The following MEP1B variants were observed in gnomAD, a reference collection of about 807,000 sequenced individuals.
The protein encoded by MEP1B is N-benzoyl-L-tyrosyl-P-amino-benzoic acid hydrolase subunit beta.
A neutral mutation model predicts 84.6 loss-of-function variants in MEP1B; 80 were observed. The ratio of observed to expected loss-of-function variants is 0.95; its 90% CI spans 0.79 to 1.14. The LOEUF (loss-of-function observed/expected upper bound fraction) is 1.14, where lower values mean the gene tolerates loss of function less well. Ranked by LOEUF, MEP1B falls within the 50% of genes most tolerant of loss-of-function variation. The pLI, the probability that MEP1B is intolerant of heterozygous loss-of-function variation, is 0.00. For synonymous variants in MEP1B, 273 were observed against 288.1 expected (o/e 0.95, Z 0.53); for missense variants, 766 against 855.1 (o/e 0.90, Z 1.30).
chr18:32,205,404 T>C (rs2040954795), intron 7 of MEP1B, among the ~76,000 whole-genome samples: 1 of 152,224 alleles, frequency 6.6e-6, no homozygotes, highest in Non-Finnish European at 1.5e-5. Context: ...ATTGCTATTA[T>C]GTCTGAGGCA....
In MEP1B at chr18:32,207,291, C is replaced by G. The variant is rs2040975463; in HGVS notation, c.587C>G (p.Ser196Ter). The change falls in exon 8 of 15, where the codon TCA (serine) becomes TGA (stop). Residue 196 changes from serine (S) to a stop codon, truncating the protein, a stop_gained. Coordinates refer to ENST00000269202, the MANE Select transcript of MEP1B (RefSeq NM_005925.3). LOFTEE classifies it high-confidence loss of function. ...TTTAACACCTATAGTGACGATATAT[C>G]AGATTCCCTGAATGTTCCCTATGAT... ...HNFNTYSDDI[S>*]DSLNVPYDYT... 1.2e-6 allele frequency: 2 copies of G among 1,612,896 alleles called. No homozygotes were observed. Among genetic ancestry groups the G allele is most frequent in the East Asian group, 2.2e-5 (1 of 44,868 alleles).
chr18:32,213,010 A>G, intron 10 of MEP1B, 106 bp from the exon 11 acceptor site: 1 of 1,018,066 alleles, frequency 9.8e-7, no homozygotes. Flanking sequence ...CTGTAGAAAT[A>G]AATCGGTTTT....
rs191872686 is a variant in MEP1B, at chr18:32,212,443, T to C, written c.1136-673T>C. 3.0e-3 allele frequency among the ~76,000 whole-genome samples: 452 copies of C among 152,288 alleles called. 3 individuals are homozygous for C. Among genetic ancestry groups the C allele is most frequent in the Non-Finnish European group, 5.4e-3 (364 of 68,026 alleles). ...TAGTATACTGCTTCTTATTTGAGTA[T>C]GTGATATAAGAAAATCAGACAGAAT... On this transcript the variant is annotated intron_variant, in intron 10 of 14. Coordinates refer to ENST00000269202, the MANE Select transcript of MEP1B (RefSeq NM_005925.3).
rs1471644599 is a variant in MEP1B at position 32,215,217 on chromosome 18, A to C, written c.1715A>C (p.Asp572Ala). 6.2e-7 allele frequency: 1 copy of C among 1,610,472 alleles called. No homozygotes were observed. Among genetic ancestry groups the C allele is most frequent in the Admixed American group, 1.7e-5 (1 of 59,050 alleles). Residue 572 changes from aspartate (D) to alanine (A), a missense_variant, in exon 12 of 15, where the codon GAT becomes GCT. Coordinates refer to ENST00000269202, the MANE Select transcript of MEP1B (RefSeq NM_005925.3). The part of the protein sequence containing the change: ...FITHERLKSR[D>A]FIKGDDVYIL... Reference sequence around the variant, plus strand: ...ACCCACGAAAGGCTGAAAAGCAGAGATTTTATAAAAGGAGATGATGTTTAT... The same window carrying C: ...ACCCACGAAAGGCTGAAAAGCAGAGCTTTTATAAAAGGAGATGATGTTTAT...
chr18:32,201,225 T>C (rs1472799070), intron 5 of MEP1B, among the ~76,000 whole-genome samples: 3 of 151,990 alleles, frequency 2.0e-5, no homozygotes, highest in Non-Finnish European at 4.4e-5. Flanking sequence ...GAAGGAAATA[T>C]TACATTTGAA....
Position 32,208,278 on chromosome 18 carries a change from GGAGT to G in MEP1B, c.919+11_919+14del. On this transcript the variant is annotated splice_region_variant and intron_variant, in intron 9 of 14. Coordinates refer to ENST00000269202, the MANE Select transcript of MEP1B (RefSeq NM_005925.3). ...AACATGGGCCAGTGCCAAGGTAACA[GGAGT>G]GAGATATTCCTAGACTGTATACTCA... 1 of 1,612,740 alleles carries G rather than the reference GGAGT, an allele frequency of 6.2e-7. No individual in the cohort carries two copies. The highest frequency in any genetic ancestry group is 8.5e-7 in the Non-Finnish European group (1 of 1,179,074).
chr18:32,196,273 G>A lies in MEP1B; in HGVS notation c.250+788G>A, dbSNP rs2040853273. On this transcript the variant is annotated intron_variant, in intron 5 of 14. Coordinates refer to ENST00000269202, the MANE Select transcript of MEP1B (RefSeq NM_005925.3). The surrounding 1 kb of genome is among the most constrained non-coding windows in gnomAD (Gnocchi z 4.4). ...CTGCTCCAAGACGCTGGCCATGCTGGGGGCTGTGAAGTTGAGGGGCGGGAT... is the reference window on the plus strand; with the variant it reads ...CTGCTCCAAGACGCTGGCCATGCTGAGGGCTGTGAAGTTGAGGGGCGGGAT... 1 of 707,764 alleles carries A rather than the reference G, an allele frequency of 1.4e-6. No homozygotes were observed. Among genetic ancestry groups the A allele is most frequent in the African/African-American group, 1.7e-5 (1 of 57,260 alleles). The allele number at this position is 707,764 out of a possible 1,614,324, so 43.8% of individuals were successfully genotyped here.
chr18:32,210,562 G>A lies in MEP1B; in HGVS notation c.981G>A (p.Leu327=). The A allele has an allele frequency of 6.2e-7, 1 of 1,614,016 alleles. No homozygotes were observed. The highest frequency in any genetic ancestry group is 8.5e-7 in the Non-Finnish European group (1 of 1,179,894). ...SSVNVGATAV[L]ESRTLYPKRG... ...TAAATGTGGGGGCCACAGCAGTGCT[G>A]GAAAGTAGAACGCTGTACCCTAAAA... Residue 327 remains leucine (L), a synonymous_variant, in exon 10 of 15, where the codon CTG becomes CTA. Transcript: ENST00000269202.
In MEP1B at chr18:32,196,270, C is replaced by A; in HGVS notation, c.250+785C>A. 1.4e-6 allele frequency: 1 copy of A among 707,294 alleles called. No individual in the cohort carries two copies. The highest frequency in any genetic ancestry group is 2.0e-5 in the Admixed American group (1 of 50,238). The allele number at this position is 707,294 out of a possible 1,614,324, so 43.8% of individuals were successfully genotyped here. On this transcript the variant is annotated intron_variant, in intron 5 of 14. Coordinates refer to ENST00000269202, the MANE Select transcript of MEP1B (RefSeq NM_005925.3). This position sits in a 1 kb window ranked among gnomAD's most constrained non-coding sequence, Gnocchi z 4.4. ...GAACTGCTCCAAGACGCTGGCCATG[C>A]TGGGGGCTGTGAAGTTGAGGGGCGG...
intron 9 of MEP1B, among the ~76,000 whole-genome samples, chr18:32,209,101 C>T (rs968669501): frequency 6.6e-6 from 1 of 152,196 alleles, no homozygotes; most frequent in Non-Finnish European, 1.5e-5. Flanking sequence ...AATGTTGTCT[C>T]TTTCATAAAT....
At chr18:32,197,734 A>T (rs1160421246) in intron 5 of MEP1B, among the ~76,000 whole-genome samples, 2 of 152,114 alleles carry the variant, frequency 1.3e-5, no homozygotes, top group Admixed American at 6.6e-5. Context: ...ATAGTTTTTT[A>T]AAATTTCAAC....
At chr18:32,220,206 C>A (rs1480590953) in intron 14 of MEP1B, 25 bp from the exon 15 acceptor site, 1 of 1,592,306 alleles carries the variant, frequency 6.3e-7, no homozygotes, top group South Asian at 1.1e-5. Flanking sequence ...GAAATTAAAT[C>A]ATCAATTGTT....
chr18:32,220,228 T>C lies in MEP1B; in HGVS notation c.2092-3T>C, dbSNP rs1469524489. The C allele has an allele frequency of 3.1e-6, 5 of 1,607,238 alleles. No homozygotes were observed. The highest frequency in any genetic ancestry group is 4.3e-6 in the Non-Finnish European group (5 of 1,176,094). The stretch of plus-strand genomic sequence containing the variant: ...AATCATCAATTGTTCTTTCCCCTTT[T>C]AGCAGCATGCTTTTTGAAGATTAAC... On this transcript the variant is annotated splice_polypyrimidine_tract_variant and splice_region_variant and intron_variant, in intron 14 of 14. Coordinates refer to ENST00000269202, the MANE Select transcript of MEP1B (RefSeq NM_005925.3).
rs1598895265 is a variant in MEP1B at position 32,210,767 on chromosome 18, GTCTTT to G, written c.1135+57_1135+61del. 11 of 1,507,262 alleles carry G rather than the reference GTCTTT, an allele frequency of 7.3e-6. No homozygotes were observed. In the East Asian group the frequency reaches 2.5e-4, roughly 34 times the overall value. 93.4% of individuals were successfully genotyped at this position (1,507,262 alleles called of 1,614,324 possible). Reference sequence around the variant, plus strand: ...TGGATTTAAAATGAGGCAATCTTAGGTCTTTTCTTTAGTTAATGCAACAATTTACA... The same window carrying G: ...TGGATTTAAAATGAGGCAATCTTAGGTCTTTAGTTAATGCAACAATTTACA... On this transcript the variant is annotated intron_variant, in intron 10 of 14. Transcript: ENST00000269202.
intron 11 of MEP1B, among the ~76,000 whole-genome samples, chr18:32,214,635 A>G (rs1229142806): frequency 6.6e-6 from 1 of 152,208 alleles, no homozygotes; most frequent in East Asian, 1.9e-4. Context: ...TGAATAATTC[A>G]GTTAATAAGA....
chr18:32,198,978 G>A (rs2040882174), intron 5 of MEP1B, among the ~76,000 whole-genome samples: 1 of 152,170 alleles, frequency 6.6e-6, no homozygotes, highest in African/African-American at 2.4e-5. Context: ...AGAAGAAGGT[G>A]GGTGTAGAGA....
rs2040862637 is a variant in MEP1B at position 32,196,956 on chromosome 18, A to T, written c.250+1471A>T. The T allele has an allele frequency of 3.5e-6, 1 of 281,698 alleles. No homozygotes were observed. Among genetic ancestry groups the T allele is most frequent in the Non-Finnish European group, 6.8e-6 (1 of 146,518 alleles). 17.4% of individuals were successfully genotyped at this position (281,698 alleles called of 1,614,324 possible). On this transcript the variant is annotated intron_variant, in intron 5 of 14. Transcript: ENST00000269202. This position sits in a 1 kb window ranked among gnomAD's most constrained non-coding sequence, Gnocchi z 4.4. ...GTTAAACAGGTGCAGGGCCTGATTG[A>T]TGGGCTCACAGGGAGCCAGTCTTTA...
chr18:32,198,062 A>C (rs1019474886), intron 5 of MEP1B, among the ~76,000 whole-genome samples: 7 of 152,248 alleles, frequency 4.6e-5, no homozygotes, highest in Admixed American at 4.6e-4. Context: ...GAATTATGAT[A>C]GAATGGAATA....
At chr18:32,211,969 T>C (rs2144420088) in intron 10 of MEP1B, among the ~76,000 whole-genome samples, 1 of 151,200 alleles carries the variant, frequency 6.6e-6, no homozygotes, top group South Asian at 2.1e-4. Context: ...TTAATCTCAC[T>C]AAGCATATAC....
Sources: gnomAD v4.1 joint callset for allele counts (sites outside exome capture counted in the v4.1 genomes callset) on GRCh38, gnomAD v4.1.1 for gene constraint, Gnocchi (gnomAD v3.1) non-coding constraint, MANE v1.5 for transcripts, NCBI Gene and HGNC (gene_info 2026-07-23, HGNC 2026-07-21) for gene names.